The following MMP14 variants were observed in gnomAD, a reference collection of about 807,000 sequenced individuals.
MMP14 encodes the protein matrix metalloproteinase-14.
In MMP14, 13 loss-of-function variants were observed where a neutral mutation model predicts 64.8. The ratio of observed to expected loss-of-function variants is 0.20; its 90% confidence interval spans 0.13 to 0.32. The LOEUF is 0.32. MMP14 is among the 10% of genes least tolerant of loss of function. The pLI, the probability that MMP14 is intolerant of heterozygous loss-of-function variation, is 1.00. For missense variants in MMP14, 594 were observed against 783.8 expected, an observed-to-expected ratio of 0.76 and a Z score of 2.89; for synonymous variants, 322 against 315.9, an observed-to-expected ratio of 1.02 and a Z score of -0.20.
At chr14:22,837,921 C>T (rs1247036085) in intron 1 of MMP14, among the ~76,000 whole-genome samples, 2 of 152,212 alleles carry the variant, frequency 1.3e-5, no homozygotes, top group Non-Finnish European at 2.9e-5. Flanking sequence ...CCATCTCAAC[C>T]CACTCAGCCT....
Position 22,846,236 on chromosome 14 carries a change from A to G in MMP14, c.*197A>G. ...CCTGCCCCGGCATTGCATCTTCCCTAGATAGGTCCCCTGAGGGCTGAGTGG... is the reference window on the plus strand; with the variant it reads ...CCTGCCCCGGCATTGCATCTTCCCTGGATAGGTCCCCTGAGGGCTGAGTGG... On this transcript the variant is annotated 3_prime_UTR_variant, in exon 10 of 10. Coordinates refer to ENST00000311852, the MANE Select transcript of MMP14 (RefSeq NM_004995.4). 1 of 587,864 alleles carries G rather than the reference A, an allele frequency of 1.7e-6. No homozygotes were observed. Among genetic ancestry groups the G allele is most frequent in the Non-Finnish European group, 2.9e-6 (1 of 339,352 alleles). 36.4% of individuals were successfully genotyped at this position (587,864 alleles called of 1,614,324 possible).
chr14:22,841,816 A>G (rs2138739835), intron 2 of MMP14, 97 bp from the exon 3 acceptor site: 10 of 1,532,940 alleles, frequency 6.5e-6, no homozygotes, highest in Non-Finnish European at 8.7e-6. Context: ...CTTTCCCCAC[A>G]TTGACACACA....
intron 1 of MMP14, among the ~76,000 whole-genome samples, chr14:22,837,694 C>A (rs17886414): frequency 6.6e-6 from 1 of 152,214 alleles, no homozygotes; most frequent in Non-Finnish European, 1.5e-5. Context: ...TTGCAGGGAG[C>A]CTGGGGGCGT....
Position 22,843,694 on chromosome 14 carries a change from G to A in MMP14, c.851-16G>A, listed in dbSNP as rs778343699. ...TCCTCCTAAGTCTGAAATGCCCCTCGTGTTTTCTGCCCCAGGGGGTGAGTC... is the reference window on the plus strand; with the variant it reads ...TCCTCCTAAGTCTGAAATGCCCCTCATGTTTTCTGCCCCAGGGGGTGAGTC... On this transcript the variant is annotated splice_polypyrimidine_tract_variant and intron_variant, in intron 5 of 9. Transcript: ENST00000311852. The surrounding 1 kb of genome is among the most constrained non-coding windows in gnomAD (Gnocchi z 4.8). 2.5e-5 allele frequency: 40 copies of A among 1,583,948 alleles called. No homozygotes were observed. The highest frequency in any genetic ancestry group is 1.7e-4 in the Middle Eastern group (1 of 5,944).
Position 22,843,447 on chromosome 14 carries a change from C to T in MMP14, c.850+29C>T. The T allele has an allele frequency of 6.3e-7, 1 of 1,599,142 alleles. No homozygotes were observed. Among genetic ancestry groups the T allele is most frequent in the Non-Finnish European group, 8.5e-7 (1 of 1,170,858 alleles). ...AGTAGTCTACACCCACGCCTGCTCC[C>T]TCCTCTGCTGCTTGTTCCCTCCTGG... On this transcript the variant is annotated intron_variant, in intron 5 of 9. Coordinates refer to ENST00000311852, the MANE Select transcript of MMP14 (RefSeq NM_004995.4). This position sits in a 1 kb window ranked among gnomAD's most constrained non-coding sequence, Gnocchi z 4.8.
chr14:22,838,952 G>A (rs1290339538), intron 1 of MMP14, among the ~76,000 whole-genome samples: 2 of 152,146 alleles, frequency 1.3e-5, no homozygotes, highest in African/African-American at 2.4e-5. Context: ...TTTTTCTCCC[G>A]AGGGTATGGG....
chr14:22,844,867 A>G (rs1566482918), intron 8 of MMP14, 87 bp downstream of exon 8: 1 of 1,548,518 alleles, frequency 6.5e-7, no homozygotes, highest in Non-Finnish European at 8.8e-7. Flanking sequence ...GACCCACTTT[A>G]CCCCCAACAT....
rs17879232 is a variant in MMP14, at chr14:22,840,340, AG to A, written c.109-1148del. Among the ~76,000 whole-genome samples, 30 of 152,338 alleles carry A rather than the reference AG, an allele frequency of 2.0e-4. No homozygotes were observed. The East Asian group carries it at 5.6e-3, about 28-fold the overall frequency. ...AATAAAGGCTGACTTTCTCCTCAAC[AG>A]GGCTTTGCAGTGTGTGTACCTTTTA... is the stretch of plus-strand genomic sequence containing the variant. On this transcript the variant is annotated intron_variant, in intron 1 of 9. Transcript: ENST00000311852.
intron 1 of MMP14, chr14:22,837,446 C>A: frequency 2.2e-6 from 1 of 454,244 alleles, no homozygotes; most frequent in South Asian, 1.6e-5. Flanking sequence ...AGGTGGGGGT[C>A]GAGGGTGGAC....
At chr14:22,840,879 C>T (rs1020368955) in intron 1 of MMP14, among the ~76,000 whole-genome samples, 5 of 152,334 alleles carry the variant, frequency 3.3e-5, no homozygotes, top group East Asian at 1.9e-4. Flanking sequence ...ATAAGGACAG[C>T]GGCAGGATCC....
chr14:22,846,361 A>T lies in MMP14; in HGVS notation c.*322A>T. The stretch of plus-strand genomic sequence containing the variant: ...TGTTGGGGGCTCTGCACTTGAAGGC[A>T]GGACCCTCAGACCTCGCTGGTAAAG... On this transcript the variant is annotated 3_prime_UTR_variant, in exon 10 of 10. Transcript: ENST00000311852. 3.0e-6 allele frequency: 1 copy of T among 329,940 alleles called. No individual in the cohort carries two copies. The allele number at this position is 329,940 out of a possible 1,614,324, so 20.4% of individuals were successfully genotyped here. A position where few individuals can be genotyped will look rare whatever the true frequency, so the allele number is the denominator to read the frequency against.
chr14:22,841,692 G>A (rs2039774131), intron 2 of MMP14, 53 bp downstream of exon 2: 2 of 1,607,460 alleles, frequency 1.2e-6, no homozygotes, highest in African/African-American at 1.3e-5. Flanking sequence ...GACAATGCCA[G>A]CGCCAGAGAT....
intron 1 of MMP14, 37 bp downstream of exon 1, chr14:22,836,962 C>T: frequency 6.5e-7 from 1 of 1,544,378 alleles, no homozygotes. Context: ...GAGTCGCGCC[C>T]GCCGGGAGGC....
Position 22,845,823 on chromosome 14 carries a change from A to G in MMP14, c.1533A>G (p.Gly511=). ...GGGACTGGATGGGCTGCCCATCGGG[A>G]GGCCGGCCGGATGAGGGGACTGAGG... The part of the protein sequence containing the change: ...ALRDWMGCPS[G]GRPDEGTEEE... The change falls in exon 10 of 10, where the codon GGA becomes GGG. Residue 511 remains glycine, a synonymous_variant. Transcript: ENST00000311852. 1 of 1,614,040 alleles carries G rather than the reference A, an allele frequency of 6.2e-7. No individual in the cohort carries two copies. Among genetic ancestry groups the G allele is most frequent in the Non-Finnish European group, 8.5e-7 (1 of 1,179,976 alleles).
Position 22,840,945 on chromosome 14 carries a change from T to C in MMP14, c.109-546T>C, listed in dbSNP as rs532614569. On this transcript the variant is annotated intron_variant, in intron 1 of 9. Coordinates refer to ENST00000311852, the MANE Select transcript of MMP14 (RefSeq NM_004995.4). ...ATTCCAAGTTCCTAGTTTCCCCTCG[T>C]AGCAGCCAGCCTTAGCTCTAGCTCT... Among the ~76,000 whole-genome samples, 3 of 152,358 alleles carry C rather than the reference T, an allele frequency of 2.0e-5. No individual in the cohort carries two copies. The East Asian group carries it at 5.8e-4, about 29-fold the overall frequency.
chr14:22,838,344 C>G (rs752387956), intron 1 of MMP14, among the ~76,000 whole-genome samples: 4 of 152,168 alleles, frequency 2.6e-5, no homozygotes, highest in Non-Finnish European at 5.9e-5. Flanking sequence ...CTGGGTCCCC[C>G]AGGGGAGGGG....
At chr14:22,844,247 G>A (rs1404353697) in intron 6 of MMP14, 124 bp from the exon 7 acceptor site, 1 of 1,404,246 alleles carries the variant, frequency 7.1e-7, no homozygotes, top group African/African-American at 1.4e-5. Flanking sequence ...CTGGGTGGAA[G>A]TGACAACAGC....
Position 22,845,777 on chromosome 14 carries a change from G to C in MMP14, c.1487G>C (p.Gly496Ala). 6.2e-7 allele frequency: 1 copy of C among 1,614,172 alleles called. No homozygotes were observed. The stretch of plus-strand genomic sequence containing the variant: ...AACCAGAAGCTGAAGGTAGAACCGG[G>C]CTACCCCAAGTCAGCCCTGAGGGAC... ...FNNQKLKVEP[G>A]YPKSALRDWM... The change falls in exon 10 of 10, where the codon GGC becomes GCC. Residue 496 changes from glycine (G) to alanine (A), a missense_variant. Physicochemically the swap from Gly to Ala is moderately conservative, Grantham distance 60. Transcript: ENST00000311852.
Position 22,843,386 on chromosome 14 carries a change from A to T in MMP14, c.818A>T (p.Asp273Val), listed in dbSNP as rs765715939. 1.6e-5 allele frequency: 26 copies of T among 1,613,808 alleles called. No individual in the cohort carries two copies. Among genetic ancestry groups the T allele is most frequent in the Non-Finnish European group, 1.9e-5 (23 of 1,179,990 alleles). ...WMDTENFVLP[D>V]DDRRGIQQLY... ...GACACGGAGAATTTTGTGCTGCCCG[A>T]TGATGACCGCCGGGGCATCCAGCAA... Residue 273 changes from aspartate to valine, a missense_variant, in exon 5 of 10, where the codon GAT becomes GTT. Physicochemically the swap from Asp to Val is radical, Grantham distance 152 (BLOSUM62 -3). Around this residue, in one of 4 missense-constraint regions of MMP14, gnomAD observed 364 missense variants for 425.2 expected, o/e 0.86. Transcript: ENST00000311852. This position sits in a 1 kb window ranked among gnomAD's most constrained non-coding sequence, Gnocchi z 4.8.
Sources: gnomAD v4.1 joint callset for allele counts (sites outside exome capture counted in the v4.1 genomes callset) on GRCh38, gnomAD v4.1.1 for gene constraint, gnomAD v4.1.1 regional missense constraint, Gnocchi (gnomAD v3.1) non-coding constraint, MANE v1.5 for transcripts, NCBI Gene and HGNC (gene_info 2026-07-23, HGNC 2026-07-21) for gene names.